Variants in ZDHHC5 observed in about 807,000 individuals in gnomAD.
ZDHHC5 encodes zDHHC palmitoyltransferase 5.
ZDHHC5 carries 22 observed loss-of-function variants against 70.0 expected under a neutral mutation model. The ratio of observed to expected loss-of-function variants is 0.31; its 90% confidence interval spans 0.22 to 0.45. ZDHHC5 has a LOEUF of 0.45. Ranked by LOEUF, ZDHHC5 falls within the 20% of genes least tolerant of loss-of-function variation. The pLI, the probability that ZDHHC5 is intolerant of heterozygous loss-of-function variation, is 1.00. For synonymous variants in ZDHHC5, 313 were observed against 347.8 expected, an observed-to-expected ratio of 0.90 and a Z score of 1.11; for missense variants, 746 against 926.9, an observed-to-expected ratio of 0.80 and a Z score of 2.53.
chr11:57,687,444 G>T (rs116978379), intron 3 of ZDHHC5, among the ~76,000 whole-genome samples: 6 of 151,902 alleles, frequency 3.9e-5, no homozygotes, highest in African/African-American at 1.4e-4. Context: ...AGTGGCGTGC[G>T]CCTGTAATCC....
chr11:57,690,296 G>A (rs1442584678), intron 5 of ZDHHC5, 39 bp from the exon 6 acceptor site: 1 of 1,614,006 alleles, frequency 6.2e-7, no homozygotes, highest in Admixed American at 1.7e-5. Context: ...GGGAAAGTGA[G>A]GTCATGTTGC....
Position 57,698,973 on chromosome 11 carries a change from G to A in ZDHHC5, c.1537G>A (p.Glu513Lys). ...SARLAQQREA[E>K]RHPRLVPTGP... ...CAGGCTGGCCCAGCAACGGGAAGCT[G>A]AGAGGCACCCACGTTTGGTGCCAAC... The change falls in exon 11 of 12, where the codon GAG becomes AAG. Residue 513 changes from glutamate to lysine, a missense_variant. Coordinates refer to ENST00000287169, the MANE Select transcript of ZDHHC5 (RefSeq NM_015457.3). The A allele has an allele frequency of 6.2e-7, 1 of 1,612,212 alleles. No individual in the cohort carries two copies. The highest frequency in any genetic ancestry group is 8.5e-7 in the Non-Finnish European group (1 of 1,180,020).
At chr11:57,671,613 A>AT (rs1017955436) in intron 1 of ZDHHC5, among the ~76,000 whole-genome samples, 38 of 152,328 alleles carry the variant, frequency 2.5e-4, no homozygotes, top group South Asian at 6.2e-4. Context: ...TTTGAGGTTA[A>AT]TTTTTTTCTT....
rs979201921 is a variant in ZDHHC5, at chr11:57,690,544, T to C, written c.660+107T>C. On this transcript the variant is annotated intron_variant, in intron 6 of 11. Transcript: ENST00000287169. ...CCACAAAGAGATGCTTAATGAATAC[T>C]TTTCATGATTATGTAGAGATTAATG... is the stretch of plus-strand genomic sequence containing the variant. The C allele has an allele frequency of 3.4e-6, 4 of 1,167,806 alleles. No individual in the cohort carries two copies. In the African/African-American group the frequency reaches 6.1e-5, roughly 18 times the overall value. 72.3% of individuals were successfully genotyped at this position (1,167,806 alleles called of 1,614,324 possible).
rs192982496 is a variant in ZDHHC5, at chr11:57,691,274, G to A, written c.660+837G>A. 3.2e-3 allele frequency among the ~76,000 whole-genome samples: 484 copies of A among 152,200 alleles called. 3 individuals carry two copies. Among genetic ancestry groups the A allele is most frequent in the African/African-American group, 0.011 (473 of 41,514 alleles). ...TTTAGTAGAGACAGGGTTTCACCAT[G>A]TTGGCCAGGCTGGTCTCGAACTCCC... On this transcript the variant is annotated intron_variant, in intron 6 of 11. Transcript: ENST00000287169.
chr11:57,696,668 C>T (rs1451857317), intron 9 of ZDHHC5, 93 bp from the exon 10 acceptor site: 2 of 1,131,376 alleles, frequency 1.8e-6, no homozygotes, highest in African/African-American at 3.1e-5. Context: ...AATCGTGCCA[C>T]TGCACTCTAG....
chr11:57,670,819 GA>G (rs1269714685), intron 1 of ZDHHC5, among the ~76,000 whole-genome samples: 4 of 128,560 alleles, frequency 3.1e-5, no homozygotes, highest in African/African-American at 1.1e-4. Flanking sequence ...TGAATCTTCT[GA>G]TTTTTTTTTT....
At chr11:57,699,580 T>G (rs1173273769) in intron 11 of ZDHHC5, among the ~76,000 whole-genome samples, 162 bp downstream of exon 11, 1 of 152,232 alleles carries the variant, frequency 6.6e-6, no homozygotes, top group East Asian at 1.9e-4. Flanking sequence ...CATGGGCAAT[T>G]CCTGTTAAGA....
At chr11:57,696,101 C>T in intron 9 of ZDHHC5, 58 bp downstream of exon 9, 2 of 1,560,840 alleles carry the variant, frequency 1.3e-6, no homozygotes, top group South Asian at 2.4e-5. Flanking sequence ...GAGAAGGTTG[C>T]TTATGAGCTG....
chr11:57,676,326 C>A (rs517638), intron 2 of ZDHHC5, among the ~76,000 whole-genome samples: 41,669 of 152,098 alleles, frequency 0.27, 6,799 homozygotes, highest in East Asian at 0.78. Context: ...TGGTGGGGAT[C>A]CTGTCTTAAT....
intron 9 of ZDHHC5, among the ~76,000 whole-genome samples, chr11:57,696,413 A>G (rs1946352237): frequency 6.6e-6 from 1 of 152,174 alleles, no homozygotes; most frequent in Non-Finnish European, 1.5e-5. Context: ...AACCCTAGGC[A>G]GATAAAGTGA....
chr11:57,679,654 T>C (rs1428796363), intron 2 of ZDHHC5, among the ~76,000 whole-genome samples: 1 of 152,054 alleles, frequency 6.6e-6, no homozygotes, highest in Non-Finnish European at 1.5e-5. Context: ...CCCCAACATC[T>C]CCTGTTCTGA....
At chr11:57,699,763 T>C in intron 11 of ZDHHC5, 103 bp from the exon 12 acceptor site, 1 of 1,430,496 alleles carries the variant, frequency 7.0e-7, no homozygotes, top group Non-Finnish European at 9.7e-7. Context: ...AGTATGGATA[T>C]AGAAAAGAAC....
chr11:57,689,619 A>G (rs1213972360), intron 4 of ZDHHC5, among the ~76,000 whole-genome samples: 3 of 146,376 alleles, frequency 2.0e-5, no homozygotes, highest in African/African-American at 2.5e-5. Context: ...CTCGTGATCT[A>G]CCCGCCTCGG....
intron 1 of ZDHHC5, among the ~76,000 whole-genome samples, chr11:57,669,542 C>T (rs1429282127): frequency 1.3e-5 from 2 of 152,112 alleles, no homozygotes; most frequent in African/African-American, 4.8e-5. Flanking sequence ...CTGCAACTTC[C>T]ACCTCCCGGG....
intron 1 of ZDHHC5, among the ~76,000 whole-genome samples, chr11:57,670,427 C>T (rs1027491448): frequency 1.3e-5 from 2 of 150,906 alleles, no homozygotes; most frequent in Admixed American, 6.6e-5. Flanking sequence ...GCTGAGATCA[C>T]ACCATGCACT....
chr11:57,676,059 C>T (rs1200860169), intron 2 of ZDHHC5, among the ~76,000 whole-genome samples: 3 of 152,160 alleles, frequency 2.0e-5, no homozygotes, highest in African/African-American at 4.8e-5. Flanking sequence ...TAGAGGAATG[C>T]GAGTAGGAGG....
chr11:57,686,462 C>T (rs565002183), intron 3 of ZDHHC5, among the ~76,000 whole-genome samples: 75 of 151,694 alleles, frequency 4.9e-4, no homozygotes, highest in Non-Finnish European at 9.6e-4. Context: ...ATTACAGGAG[C>T]GTGCCACCGT....
At position 57,690,196 on chromosome 11, in the gene ZDHHC5, G is replaced by A. The variant is rs2135396576; in HGVS notation, c.550G>A (p.Ala184Thr). 4 of 1,614,068 alleles carry A rather than the reference G, an allele frequency of 2.5e-6. No individual in the cohort carries two copies. Among genetic ancestry groups the A allele is most frequent in the Middle Eastern group, 1.6e-4 (1 of 6,062 alleles). The change falls in exon 5 of 12, where the codon GCT becomes ACT. Residue 184 changes from alanine to threonine, a missense_variant. Ala to Thr is a moderately conservative substitution (Grantham distance 58). Around this residue, in one of 6 missense-constraint regions of ZDHHC5, gnomAD observed 114 missense variants for 179.3 expected, o/e 0.64. Coordinates refer to ENST00000287169, the MANE Select transcript of ZDHHC5 (RefSeq NM_015457.3). ...HIEELSGVRT[A>T]VTMAVMCVAG... ...AGAGGAACTCTCAGGGGTCCGCACG[G>A]CTGTCACGTATCCTTCAAGGCCTTT...
Sources: allele counts gnomAD v4.1 joint callset (sites outside exome capture counted in the v4.1 genomes callset), GRCh38; gene constraint gnomAD v4.1.1; regional missense constraint gnomAD v4.1.1; transcripts MANE v1.5; gene names NCBI Gene and HGNC (gene_info 2026-07-23, HGNC 2026-07-21).